The following PCDHA8 variants were observed in gnomAD, a reference collection of about 807,000 sequenced individuals.
The protein encoded by PCDHA8 is protocadherin alpha-8.
A neutral mutation model predicts 61.8 loss-of-function variants in PCDHA8; 53 were observed. The ratio of observed to expected loss-of-function variants is 0.86; its 90% CI spans 0.69 to 1.08. The LOEUF is 1.08. PCDHA8 is among the 50% of genes least tolerant of loss of function. The pLI, the probability that PCDHA8 is intolerant of heterozygous loss-of-function variation, is 0.00. For synonymous variants in PCDHA8, 618 were observed against 556.6 expected (o/e 1.11, Z -1.55); for missense variants, 1,293 against 1,245.0 (o/e 1.04, Z -0.58).
intron 1 of PCDHA8, chr5:140,876,130 C>T: frequency 6.2e-7 from 1 of 1,613,938 alleles, no homozygotes; most frequent in Non-Finnish European, 8.5e-7. Context: ...TGGCGGTAAA[C>T]CAGAACTAAC....
chr5:140,871,610 T>C (rs2053222652), intron 1 of PCDHA8: 1 of 1,429,404 alleles, frequency 7.0e-7, no homozygotes, highest in South Asian at 1.5e-5. Context: ...GTTTTGAATA[T>C]TGTTTTAGAT....
chr5:140,969,075 A>G, intron 1 of PCDHA8: 1 of 1,614,184 alleles, frequency 6.2e-7, no homozygotes, highest in Non-Finnish European at 8.5e-7. Flanking sequence ...AGGATACCGC[A>G]TGGCCTCAAA....
intron 1 of PCDHA8, among the ~76,000 whole-genome samples, chr5:140,955,756 A>G (rs987029779): frequency 2.6e-5 from 4 of 152,182 alleles, no homozygotes; most frequent in African/African-American, 9.7e-5. Flanking sequence ...TATTGCCATA[A>G]CACTGATTCT....
At position 141,003,456 on chromosome 5, in the gene PCDHA8, C is replaced by T. The variant is rs187279966; in HGVS notation, c.2543-6171C>T. Among the ~76,000 whole-genome samples the T allele has an allele frequency of 1.2e-3, 188 of 152,136 alleles. 1 individual carries two copies. The highest frequency in any genetic ancestry group is 4.1e-3 in the African/African-American group (172 of 41,508). On this transcript the variant is annotated intron_variant, in intron 3 of 3. Transcript: ENST00000531613. ...CCTCCCAAGTAGATGAAATTACAGGCGTGCACCACCACAGTCTCGCTAATT... is the reference window on the plus strand; with the variant it reads ...CCTCCCAAGTAGATGAAATTACAGGTGTGCACCACCACAGTCTCGCTAATT...
chr5:140,939,501 G>A (rs1270789150), intron 1 of PCDHA8, among the ~76,000 whole-genome samples: 1 of 150,708 alleles, frequency 6.6e-6, no homozygotes. Context: ...TAAATTCAAT[G>A]TCTATAACAT....
At chr5:140,927,564 GGACACAAAT>G in intron 1 of PCDHA8, 1 of 1,614,150 alleles carries the variant, frequency 6.2e-7, no homozygotes, top group Admixed American at 1.7e-5. Context: ...TCATTGTGGT[GGACACAAAT>G]GACAACGCGC....
intron 1 of PCDHA8, chr5:140,883,969 G>T (rs1398092888): frequency 5.6e-6 from 9 of 1,612,844 alleles, no homozygotes; most frequent in Non-Finnish European, 7.6e-6. Flanking sequence ...CGCTGCTGAC[G>T]CCCGGGGCTG....
intron 1 of PCDHA8, among the ~76,000 whole-genome samples, chr5:140,908,583 T>C (rs1245727862): frequency 1.3e-5 from 2 of 152,088 alleles, no homozygotes; most frequent in Admixed American, 1.3e-4. Context: ...GGAGAGTAGT[T>C]AGCTGCAGAA....
chr5:140,938,926 T>C (rs149516801), intron 1 of PCDHA8, among the ~76,000 whole-genome samples: 9 of 152,172 alleles, frequency 5.9e-5, no homozygotes, highest in Non-Finnish European at 1.2e-4. Context: ...AGAAATTGGC[T>C]TTTAACTTTC....
At chr5:141,005,437 C>T (rs1469007749) in intron 3 of PCDHA8, among the ~76,000 whole-genome samples, 4 of 152,092 alleles carry the variant, frequency 2.6e-5, no homozygotes, top group African/African-American at 7.2e-5. Context: ...GGATGAGAGG[C>T]TCACGCCTGT....
intron 1 of PCDHA8, among the ~76,000 whole-genome samples, chr5:140,896,899 C>T (rs191660343): frequency 1.4e-4 from 21 of 152,112 alleles, no homozygotes; most frequent in Admixed American, 1.4e-3. Flanking sequence ...CATTTTGATA[C>T]AAGCATGCAA....
At chr5:140,902,185 TTC>T (rs370111655) in intron 1 of PCDHA8, among the ~76,000 whole-genome samples, 3 of 150,766 alleles carry the variant, frequency 2.0e-5, no homozygotes, top group South Asian at 2.1e-4. Flanking sequence ...CCTTTATGTC[TTC>T]TCTCTCTCTC....
At chr5:140,922,068 A>C (rs1554200634) in intron 1 of PCDHA8, among the ~76,000 whole-genome samples, 1 of 152,196 alleles carries the variant, frequency 6.6e-6, no homozygotes, top group African/African-American at 2.4e-5. Context: ...TAGCAATCCC[A>C]CTAAGCAAAA....
At chr5:140,926,618 G>T in intron 1 of PCDHA8, 1 of 382,578 alleles carries the variant, frequency 2.6e-6, no homozygotes, top group Non-Finnish European at 4.6e-6. Flanking sequence ...TGCACCCCTA[G>T]GCGGCGCTGC....
intron 1 of PCDHA8, among the ~76,000 whole-genome samples, chr5:140,872,366 C>T (rs1474545806): frequency 5.3e-5 from 8 of 152,126 alleles, no homozygotes; most frequent in African/African-American, 1.4e-4. Flanking sequence ...GTGGTTCAGG[C>T]CTGTAATCCC....
chr5:140,862,289 G>T (rs782742229), intron 1 of PCDHA8: 4 of 264,626 alleles, frequency 1.5e-5, no homozygotes, highest in Non-Finnish European at 3.0e-5. Context: ...TGTACAGGAG[G>T]ACGCTCCACT....
At chr5:141,005,725 A>AAAAAAG (rs2098234610) in intron 3 of PCDHA8, among the ~76,000 whole-genome samples, 2 of 150,088 alleles carry the variant, frequency 1.3e-5, no homozygotes, top group Admixed American at 6.6e-5. Flanking sequence ...AAAAAAAAAA[A>AAAAAAG]AAAAAAGAAT....
chr5:140,876,690 G>T, intron 1 of PCDHA8: 1 of 1,614,174 alleles, frequency 6.2e-7, no homozygotes, highest in Admixed American at 1.7e-5. Flanking sequence ...ATTACTACTC[G>T]TTGGTGCTGG....
In PCDHA8 at chr5:140,869,658, T is replaced by C. The variant is rs370211026; in HGVS notation, c.2394+25943T>C. 1.2e-5 allele frequency: 19 copies of C among 1,613,432 alleles called. No homozygotes were observed. The African/African-American group carries it at 2.1e-4, about 18-fold the overall frequency. ...ATTTTTCTTTAGATTCACCAACAAATGGTAAGCAGATTAAAAGACTGTCAC... is the reference window on the plus strand; with the variant it reads ...ATTTTTCTTTAGATTCACCAACAAACGGTAAGCAGATTAAAAGACTGTCAC... On this transcript the variant is annotated intron_variant, in intron 1 of 3. Coordinates refer to ENST00000531613, the MANE Select transcript of PCDHA8 (RefSeq NM_018911.3).
Sources: allele counts gnomAD v4.1 joint callset (sites outside exome capture counted in the v4.1 genomes callset), GRCh38; gene constraint gnomAD v4.1.1; transcripts MANE v1.5; gene names NCBI Gene and HGNC (gene_info 2026-07-23, HGNC 2026-07-21).